The following DLG2 variants were observed in gnomAD, a reference collection of about 807,000 sequenced individuals.
DLG2 encodes disks large homolog 2.
Under a neutral mutation model 132.5 loss-of-function variants are expected in DLG2, and 45 were observed. That is an observed-to-expected ratio of 0.34 (90% confidence interval 0.27 to 0.44). The LOEUF is 0.44. DLG2 is among the 20% of genes least tolerant of loss of function. The pLI is 1.00. For missense variants in DLG2, 1,045 were observed against 1,196.9 expected (o/e 0.87, Z 1.87); for synonymous variants, 424 against 419.6 (o/e 1.01, Z -0.13).
At chr11:85,410,634 TAATG>T (rs1254443572) in intron 3 of DLG2, among the ~76,000 whole-genome samples, 2 of 151,864 alleles carry the variant, frequency 1.3e-5, no homozygotes, top group Non-Finnish European at 2.9e-5. Flanking sequence ...AATGTGTGTT[TAATG>T]AATGAAGTAT....
At chr11:84,652,966 C>A (rs747643235) in intron 6 of DLG2, among the ~76,000 whole-genome samples, 101 of 147,794 alleles carry the variant, frequency 6.8e-4, no homozygotes, top group South Asian at 2.4e-3. Context: ...GAGTCTGGCT[C>A]TGTTGCCCAG....
At chr11:85,423,773 C>G (rs1238509686) in intron 3 of DLG2, among the ~76,000 whole-genome samples, 1 of 152,132 alleles carries the variant, frequency 6.6e-6, no homozygotes, top group Non-Finnish European at 1.5e-5. Context: ...GTCTCACACC[C>G]ACCATGCCCC....
intron 21 of DLG2, among the ~76,000 whole-genome samples, chr11:83,487,971 A>C (rs1406707700): frequency 6.6e-6 from 1 of 151,870 alleles, no homozygotes; most frequent in African/African-American, 2.4e-5. Context: ...AGGGGAGATA[A>C]AATGTTTGTT....
chr11:84,062,895 A>T lies in DLG2; in HGVS notation c.750-3411T>A, dbSNP rs568841824. On this transcript the variant is annotated intron_variant, in intron 10 of 27. Transcript: ENST00000376104. ...TTTGGCTAGAGGGTCATAGCTATTTAAAATTAATTTGCTCTCTTTACCAGT... is the reference window on the plus strand; with the variant it reads ...TTTGGCTAGAGGGTCATAGCTATTTTAAATTAATTTGCTCTCTTTACCAGT... Among the ~76,000 whole-genome samples the T allele has an allele frequency of 5.4e-4, 82 of 152,290 alleles. 3 individuals are homozygous for T. In the South Asian group the frequency reaches 0.016, roughly 30 times the overall value.
chr11:84,152,344 G>GT (rs61472652), intron 9 of DLG2, among the ~76,000 whole-genome samples: 3 of 145,924 alleles, frequency 2.1e-5, no homozygotes, highest in African/African-American at 7.7e-5. Flanking sequence ...TTGTTTGTTT[G>GT]TTTTTTCTGA....
chr11:83,961,541 G>A (rs2088784930), intron 14 of DLG2, among the ~76,000 whole-genome samples: 1 of 152,008 alleles, frequency 6.6e-6, no homozygotes, highest in African/African-American at 2.4e-5. Context: ...CTAAAATGGA[G>A]ATGAAAGCCT....
At chr11:83,649,414 G>A (rs2069325271) in intron 18 of DLG2, among the ~76,000 whole-genome samples, 1 of 152,038 alleles carries the variant, frequency 6.6e-6, no homozygotes. Flanking sequence ...CACACACAAT[G>A]AATAGTGCCA....
At position 85,061,906 on chromosome 11, in the gene DLG2, A is replaced by G. The variant is rs562759161; in HGVS notation, c.357+49755T>C. Among the ~76,000 whole-genome samples, 44 of 151,928 alleles carry G rather than the reference A, an allele frequency of 2.9e-4. No individual in the cohort carries two copies. In the South Asian group the frequency reaches 9.1e-3, roughly 32 times the overall value. ...TTGCACAATTCAGGCAAGCACTCCAATTCTTCAGTCACTTTACTCCTAACA... is the reference window on the plus strand; with the variant it reads ...TTGCACAATTCAGGCAAGCACTCCAGTTCTTCAGTCACTTTACTCCTAACA... On this transcript the variant is annotated intron_variant, in intron 6 of 27. Coordinates refer to ENST00000376104, the MANE Select transcript of DLG2 (RefSeq NM_001142699.3).
intron 11 of DLG2, among the ~76,000 whole-genome samples, chr11:84,054,012 T>C (rs2096454165): frequency 6.6e-6 from 1 of 152,070 alleles, no homozygotes; most frequent in African/African-American, 2.4e-5. Flanking sequence ...CTAGATTTAA[T>C]CACTCTTTCA....
intron 4 of DLG2, among the ~76,000 whole-genome samples, chr11:85,157,469 A>G (rs57475455): frequency 0.037 from 5,623 of 152,052 alleles, 140 homozygotes; most frequent in African/African-American, 0.062. Context: ...TGCATTTGAC[A>G]TTCCTGATTC....
At chr11:84,341,564 T>G (rs2098514841) in intron 7 of DLG2, among the ~76,000 whole-genome samples, 1 of 152,208 alleles carries the variant, frequency 6.6e-6, no homozygotes, top group African/African-American at 2.4e-5. Flanking sequence ...CCAGGTTTTC[T>G]GTAGTTCTGA....
intron 6 of DLG2, among the ~76,000 whole-genome samples, chr11:84,904,874 T>C (rs1419856507): frequency 6.6e-6 from 1 of 152,182 alleles, no homozygotes; most frequent in Non-Finnish European, 1.5e-5. Context: ...TGATGTTTAT[T>C]AGGCTCATTG....
At chr11:85,049,035 T>G (rs2062629966) in intron 6 of DLG2, among the ~76,000 whole-genome samples, 1 of 152,064 alleles carries the variant, frequency 6.6e-6, no homozygotes. Flanking sequence ...GTTGCTTTGT[T>G]CTTCAAGTAC....
At chr11:84,559,669 G>T (rs2099419433) in intron 6 of DLG2, among the ~76,000 whole-genome samples, 1 of 152,058 alleles carries the variant, frequency 6.6e-6, no homozygotes, top group African/African-American at 2.4e-5. Flanking sequence ...TGTGCTATTA[G>T]GCATTAGGCA....
chr11:84,927,720 A>G (rs1073985), intron 6 of DLG2, among the ~76,000 whole-genome samples: 54,826 of 151,810 alleles, frequency 0.36, 10,597 homozygotes, highest in East Asian at 0.67. Context: ...CACATGTCAG[A>G]AAATATTATG....
At chr11:84,785,266 C>A (rs1005799238) in intron 6 of DLG2, among the ~76,000 whole-genome samples, 2 of 151,892 alleles carry the variant, frequency 1.3e-5, no homozygotes, top group Non-Finnish European at 2.9e-5. Context: ...AAAAAAAATT[C>A]TCCTGTAGTG....
chr11:84,082,157 C>T (rs955378206), intron 10 of DLG2, among the ~76,000 whole-genome samples: 2 of 151,952 alleles, frequency 1.3e-5, no homozygotes, highest in African/African-American at 4.8e-5. Flanking sequence ...AATACCATAA[C>T]ACAGTCATTT....
chr11:85,216,149 T>C (rs1171968683), intron 4 of DLG2, among the ~76,000 whole-genome samples: 1 of 151,964 alleles, frequency 6.6e-6, no homozygotes, highest in Non-Finnish European at 1.5e-5. Context: ...AAACCTCATC[T>C]CAAAAAATAA....
chr11:85,469,310 T>G (rs1018988174), intron 3 of DLG2: 1 of 152,218 alleles, frequency 6.6e-6, no homozygotes, highest in Non-Finnish European at 1.5e-5. Flanking sequence ...CTCCTTGTTG[T>G]GCAAATAAAA....
Sources: allele counts gnomAD v4.1 joint callset (sites outside exome capture counted in the v4.1 genomes callset), GRCh38; gene constraint gnomAD v4.1.1; transcripts MANE v1.5; gene names NCBI Gene and HGNC (gene_info 2026-07-23, HGNC 2026-07-21).